Variants in MACROD2 observed in about 807,000 individuals in gnomAD.
The protein encoded by MACROD2 is ADP-ribose glycohydrolase MACROD2.
Under a neutral mutation model 70.4 loss-of-function variants are expected in MACROD2, and 36 were observed. The observed-to-expected ratio is 0.51, with a 90% confidence interval of 0.39 to 0.68. MACROD2 has a LOEUF of 0.68. MACROD2 is among the 30% of genes least tolerant of loss of function. The probability of loss-of-function intolerance (pLI) is 0.00; values close to 1 mark genes in which losing one functional copy is unlikely to be tolerated. For missense variants in MACROD2, 496 were observed against 538.4 expected (o/e 0.92, Z 0.78); for synonymous variants, 172 against 178.8 (o/e 0.96, Z 0.30).
chr20:15,468,795 A>G (rs1049576011), intron 7 of MACROD2, among the ~76,000 whole-genome samples: 2 of 152,106 alleles, frequency 1.3e-5, no homozygotes, highest in Non-Finnish European at 2.9e-5. Context: ...AGCAATCTCA[A>G]TCTCCATGCA....
chr20:14,541,758 GT>G (rs1048815640), intron 4 of MACROD2, among the ~76,000 whole-genome samples: 58 of 152,088 alleles, frequency 3.8e-4, no homozygotes, highest in African/African-American at 1.4e-3. Flanking sequence ...TTTACTTTTG[GT>G]TTTTATGTTT....
chr20:14,348,313 A>T (rs1350583834), intron 3 of MACROD2, among the ~76,000 whole-genome samples: 1 of 151,764 alleles, frequency 6.6e-6, no homozygotes, highest in African/African-American at 2.4e-5. Flanking sequence ...GAAAGAAAAG[A>T]AAAGATGTAT....
chr20:14,844,113 T>C (rs1426318910), intron 5 of MACROD2, among the ~76,000 whole-genome samples: 1 of 152,040 alleles, frequency 6.6e-6, no homozygotes, highest in African/African-American at 2.4e-5. Context: ...GATTATGAGT[T>C]TTTCTTGTTC....
At chr20:14,689,995 G>T (rs575106511) in intron 5 of MACROD2, among the ~76,000 whole-genome samples, 1 of 145,562 alleles carries the variant, frequency 6.9e-6, no homozygotes, top group East Asian at 2.0e-4. Context: ...TATCCATTGT[G>T]TTTTTAAAAA....
rs2065013133 is a variant in MACROD2 at position 15,898,618 on chromosome 20, TG to T, written c.775+12811del. Among the ~76,000 whole-genome samples the T allele has an allele frequency of 2.7e-5, 4 of 147,936 alleles. No individual in the cohort carries two copies. The South Asian group carries it at 6.5e-4, about 24-fold the overall frequency. On this transcript the variant is annotated intron_variant, in intron 10 of 17. Transcript: ENST00000684519. ...GACCTTCTGAATCAGAAACCTGAAG[TG>T]GGGTCCTGTAATCTGTGTTCTCAAA...
chr20:14,672,852 C>T (rs989232221), intron 4 of MACROD2, among the ~76,000 whole-genome samples: 4 of 152,170 alleles, frequency 2.6e-5, no homozygotes, highest in Admixed American at 1.3e-4. Context: ...TTATAAATTA[C>T]ATACAAGTAC....
At chr20:14,898,457 C>T (rs6042981) in intron 5 of MACROD2, among the ~76,000 whole-genome samples, 28,980 of 152,004 alleles carry the variant, frequency 0.19, 2,971 homozygotes, top group African/African-American at 0.22. Context: ...GGCCAGGTGC[C>T]GTGGCTCACG....
intron 3 of MACROD2, among the ~76,000 whole-genome samples, chr20:14,194,490 A>C (rs554075202): frequency 9.2e-5 from 14 of 152,222 alleles, no homozygotes; most frequent in Middle Eastern, 3.4e-3. Flanking sequence ...TGCTGAGACA[A>C]ATTCATAAGT....
intron 8 of MACROD2, among the ~76,000 whole-genome samples, chr20:15,727,642 G>T (rs976125025): frequency 6.6e-6 from 1 of 152,072 alleles, no homozygotes; most frequent in Non-Finnish European, 1.5e-5. Context: ...TCTCACTGTA[G>T]AGACCTTTCA....
intron 5 of MACROD2, among the ~76,000 whole-genome samples, chr20:15,199,396 G>T (rs970432424): frequency 1.3e-5 from 2 of 152,010 alleles, no homozygotes; most frequent in East Asian, 1.9e-4. Flanking sequence ...AAAACACTGT[G>T]TAAATGTATG....
chr20:15,085,873 AACACACACAC>A (rs3070249), intron 5 of MACROD2, among the ~76,000 whole-genome samples: 178 of 144,384 alleles, frequency 1.2e-3, no homozygotes, highest in African/African-American at 2.6e-3. Context: ...ACACACACAC[AACACACACAC>A]ACACACACAC....
At chr20:15,085,924 G>C (rs571947894) in intron 5 of MACROD2, among the ~76,000 whole-genome samples, 78 of 143,984 alleles carry the variant, frequency 5.4e-4, no homozygotes, top group Non-Finnish European at 8.8e-4. Flanking sequence ...ATTTTTTCTT[G>C]AAGTAATGTT....
chr20:14,479,264 G>A (rs2084634233), intron 3 of MACROD2, among the ~76,000 whole-genome samples: 1 of 152,104 alleles, frequency 6.6e-6, no homozygotes, highest in Non-Finnish European at 1.5e-5. Context: ...GGAAAGTCAG[G>A]TCCGTAGATC....
chr20:14,034,327 G>A (rs896245516), intron 2 of MACROD2, among the ~76,000 whole-genome samples: 1 of 152,108 alleles, frequency 6.6e-6, no homozygotes, highest in East Asian at 1.9e-4. Context: ...TGGAAGTACT[G>A]TGGTTTTATT....
chr20:14,119,219 GT>G (rs1386413064), intron 3 of MACROD2, among the ~76,000 whole-genome samples: 2 of 134,376 alleles, frequency 1.5e-5, no homozygotes, highest in Admixed American at 8.6e-5. Context: ...CTGGGCCGGA[GT>G]TCAGTAATGC....
intron 2 of MACROD2, among the ~76,000 whole-genome samples, chr20:14,003,861 C>G (rs2052772211): frequency 6.6e-6 from 1 of 152,046 alleles, no homozygotes; most frequent in Admixed American, 6.6e-5. Flanking sequence ...GGCTAGAAAT[C>G]AGGAGAACAG....
At chr20:14,084,458 A>G (rs1433636048) in intron 2 of MACROD2, among the ~76,000 whole-genome samples, 6 of 152,218 alleles carry the variant, frequency 3.9e-5, no homozygotes, top group Non-Finnish European at 8.8e-5. Context: ...TATAAATTCA[A>G]AAATATAAAT....
intron 3 of MACROD2, among the ~76,000 whole-genome samples, chr20:14,167,341 A>G (rs1306470300): frequency 6.6e-6 from 1 of 152,108 alleles, no homozygotes; most frequent in Admixed American, 6.6e-5. Context: ...GAAGTCCTAA[A>G]ATAGTCTTTA....
chr20:16,040,559 G>GA (rs2067294561), intron 15 of MACROD2, among the ~76,000 whole-genome samples: 1 of 151,924 alleles, frequency 6.6e-6, no homozygotes, highest in Non-Finnish European at 1.5e-5. Context: ...TTTACAATAT[G>GA]AAACACAATT....
Sources: allele counts gnomAD v4.1 joint callset (sites outside exome capture counted in the v4.1 genomes callset), GRCh38; gene constraint gnomAD v4.1.1; transcripts MANE v1.5; gene names NCBI Gene and HGNC (gene_info 2026-07-23, HGNC 2026-07-21).